XYLB: variants seen among roughly 807,000 people sequenced by gnomAD.
The protein encoded by XYLB is xylulose kinase.
In XYLB, 62 loss-of-function variants were observed where a neutral mutation model predicts 78.7. The ratio of observed to expected loss-of-function variants is 0.79; its 90% CI spans 0.64 to 0.97. The LOEUF is 0.97. Among genes scored for constraint, XYLB ranks in the 50% least tolerant of loss-of-function variants. XYLB has a pLI of 0.00. For synonymous variants in XYLB, 245 were observed against 247.4 expected (o/e 0.99, Z 0.09); for missense variants, 687 against 676.8 (o/e 1.02, Z -0.17).
chr3:38,376,848 A>G, intron 13 of XYLB, 70 bp from the exon 14 acceptor site: 2 of 1,391,186 alleles, frequency 1.4e-6, no homozygotes, highest in Non-Finnish European at 2.0e-6. Context: ...GTCCTGTTCT[A>G]AGTCTGTTAA....
intron 18 of XYLB, among the ~76,000 whole-genome samples, chr3:38,401,828 C>T (rs1316772459): frequency 2.0e-5 from 3 of 152,074 alleles, no homozygotes; most frequent in East Asian, 1.9e-4. Flanking sequence ...CCATAGCATC[C>T]GCCACACCAC....
At chr3:38,452,971 G>A in the XYLB span, 1 of 152,178 alleles carries the variant, frequency 6.6e-6, no homozygotes, top group East Asian at 1.9e-4. Context: ...GGATCTCGGA[G>A]CCTCATCCCT....
chr3:38,400,649 C>T (rs1342394172), intron 17 of XYLB, among the ~76,000 whole-genome samples: 2 of 152,124 alleles, frequency 1.3e-5, no homozygotes, highest in Admixed American at 6.5e-5. Context: ...TGGAGACAAG[C>T]CTGCACTTGC....
Position 38,346,977 on chromosome 3 carries a change from G to A in XYLB, c.57+52G>A, listed in dbSNP as rs1042468308. The A allele has an allele frequency of 3.6e-6, 5 of 1,384,142 alleles. No homozygotes were observed. The Admixed American group carries it at 1.6e-4, about 43-fold the overall frequency. 85.7% of individuals were successfully genotyped at this position (1,384,142 alleles called of 1,614,324 possible). On this transcript the variant is annotated intron_variant, in intron 1 of 18. Transcript: ENST00000207870. The stretch of plus-strand genomic sequence containing the variant: ...GGGGCCGCCTCCTCCGCTTCGGTGG[G>A]GGTAGGGGGCGGGCTGTCACCCGGA...
At chr3:38,452,411 G>C in the XYLB span, 3 of 151,994 alleles carry the variant, frequency 2.0e-5, no homozygotes, top group African/African-American at 7.3e-5. Flanking sequence ...ATGTCAATCA[G>C]AACAATATAC....
At chr3:38,357,880 T>C (rs1705748905) in intron 2 of XYLB, among the ~76,000 whole-genome samples, 1 of 146,186 alleles carries the variant, frequency 6.8e-6, no homozygotes, top group African/African-American at 2.5e-5. Context: ...AAAAACTGTG[T>C]TATTTCTCTT....
At chr3:38,452,889 G>A in the XYLB span, 4 of 152,298 alleles carry the variant, frequency 2.6e-5, no homozygotes, top group African/African-American at 7.2e-5. Context: ...CTCCCTTTCA[G>A]CTGCTCCTGC....
At chr3:38,393,536 T>C (rs1232574630) in intron 15 of XYLB, among the ~76,000 whole-genome samples, 2 of 152,200 alleles carry the variant, frequency 1.3e-5, no homozygotes, top group African/African-American at 4.8e-5. Context: ...TATGTCAGTA[T>C]TAGTTGGCTA....
chr3:38,425,629 G>T (rs1002033687), downstream of XYLB, among the ~76,000 whole-genome samples: 2 of 152,228 alleles, frequency 1.3e-5, no homozygotes, highest in Admixed American at 6.5e-5. Context: ...ATAACAAAAA[G>T]TTGGGAAATA....
In XYLB at chr3:38,414,750, C is replaced by A. The variant is rs1201776107; in HGVS notation, c.*1737C>A. ...ATATGGTCACAAGTACATTAAGGCACGTAGAAGGTAGGAGTAAGAAAAGCT... is the reference window on the plus strand; with the variant it reads ...ATATGGTCACAAGTACATTAAGGCAAGTAGAAGGTAGGAGTAAGAAAAGCT... On this transcript the variant is annotated 3_prime_UTR_variant, in exon 19 of 19. Transcript: ENST00000207870. 3 of 151,800 alleles carry A rather than the reference C, an allele frequency of 2.0e-5. No individual in the cohort carries two copies. Among genetic ancestry groups the A allele is most frequent in the African/African-American group, 4.8e-5 (2 of 41,320 alleles). The allele number at this position is 151,800 out of a possible 1,614,324, so 9.4% of individuals were successfully genotyped here. A position where few individuals can be genotyped will look rare whatever the true frequency, so the allele number is the denominator to read the frequency against.
In XYLB at chr3:38,413,054, C is replaced by A. The variant is rs548828977; in HGVS notation, c.*41C>A. On this transcript the variant is annotated 3_prime_UTR_variant, in exon 19 of 19. Transcript: ENST00000207870. ...GCCCCTGCCTGCCCAGATTTACTGA[C>A]CCCATTTGTCGACATGGCCCCAGAC... 2.6e-6 allele frequency: 4 copies of A among 1,551,900 alleles called. No individual in the cohort carries two copies. In the South Asian group the frequency reaches 3.7e-5, roughly 14 times the overall value.
chr3:38,361,548 C>G (rs1213015903), intron 3 of XYLB, among the ~76,000 whole-genome samples: 1 of 152,102 alleles, frequency 6.6e-6, no homozygotes, highest in African/African-American at 2.4e-5. Flanking sequence ...TGAGCCAGAC[C>G]AAGGGGCAGA....
Position 38,362,391 on chromosome 3 carries a change from C to G in XYLB, c.211-546C>G, listed in dbSNP as rs139888512. Among the ~76,000 whole-genome samples, 60 of 152,272 alleles carry G rather than the reference C, an allele frequency of 3.9e-4. No individual in the cohort carries two copies. In the East Asian group the frequency reaches 9.7e-3, roughly 24 times the overall value. ...TAGCTGGGATTACAGGCTCATGCCACCACACCCAGCTAAATTTTTCATTTT... is the reference window on the plus strand; with the variant it reads ...TAGCTGGGATTACAGGCTCATGCCAGCACACCCAGCTAAATTTTTCATTTT... On this transcript the variant is annotated intron_variant, in intron 3 of 18. Coordinates refer to ENST00000207870, the MANE Select transcript of XYLB (RefSeq NM_005108.4).
chr3:38,357,392 C>T (rs1411286283), intron 2 of XYLB, among the ~76,000 whole-genome samples: 4 of 145,284 alleles, frequency 2.8e-5, no homozygotes, highest in Non-Finnish European at 6.0e-5. Flanking sequence ...TCTCTACATC[C>T]TTTTTTTTTT....
At chr3:38,390,676 C>G (rs1707612582) in intron 15 of XYLB, among the ~76,000 whole-genome samples, 1 of 152,080 alleles carries the variant, frequency 6.6e-6, no homozygotes, top group Non-Finnish European at 1.5e-5. Flanking sequence ...GCATGCATCA[C>G]CGTTTCCAGC....
At chr3:38,424,877 G>T (rs562187494), downstream of XYLB, among the ~76,000 whole-genome samples, 3 of 152,192 alleles carry the variant, frequency 2.0e-5, no homozygotes, top group Non-Finnish European at 4.4e-5. Context: ...CAGGACCTTT[G>T]ACTGCAGGAA....
chr3:38,387,381 G>GT (rs886719710), intron 15 of XYLB, among the ~76,000 whole-genome samples: 6 of 144,268 alleles, frequency 4.2e-5, no homozygotes, highest in Non-Finnish European at 7.6e-5. Flanking sequence ...GTTATGTTTT[G>GT]TTTTTTTGAG....
At chr3:38,451,808 G>C in the XYLB span, 1 of 151,394 alleles carries the variant, frequency 6.6e-6, no homozygotes, top group Non-Finnish European at 1.5e-5. Flanking sequence ...GGTCAAATTT[G>C]AGATGCCTGA....
Position 38,346,845 on chromosome 3 carries a change from A to G in XYLB, c.-24A>G. ...GCGTGGCGGACGGACGGACTGACGGACGCGCAGCCTTACCCGAAAGGCCAT... is the reference window on the plus strand; with the variant it reads ...GCGTGGCGGACGGACGGACTGACGGGCGCGCAGCCTTACCCGAAAGGCCAT... On this transcript the variant is annotated 5_prime_UTR_variant, in exon 1 of 19. Transcript: ENST00000207870. 1.3e-6 allele frequency: 2 copies of G among 1,497,886 alleles called. No individual in the cohort carries two copies. Among genetic ancestry groups the G allele is most frequent in the Non-Finnish European group, 1.8e-6 (2 of 1,124,728 alleles). 92.8% of individuals were successfully genotyped at this position (1,497,886 alleles called of 1,614,324 possible).
Sources: allele counts gnomAD v4.1 joint callset (sites outside exome capture counted in the v4.1 genomes callset), GRCh38; gene constraint gnomAD v4.1.1; transcripts MANE v1.5; gene names NCBI Gene and HGNC (gene_info 2026-07-23, HGNC 2026-07-21).